The following FCHSD2 variants were observed in gnomAD, a reference collection of about 807,000 sequenced individuals.
FCHSD2 encodes the protein F-BAR and double SH3 domains protein 2.
A neutral mutation model predicts 108.1 loss-of-function variants in FCHSD2; 38 were observed. That is an observed-to-expected ratio of 0.35 (90% CI 0.27 to 0.46). The LOEUF (loss-of-function observed/expected upper bound fraction) is 0.46, where lower values mean the gene tolerates loss of function less well. Among genes scored for constraint, FCHSD2 ranks in the 20% least tolerant of loss-of-function variants. The pLI, the probability that FCHSD2 is intolerant of heterozygous loss-of-function variation, is 1.00. For synonymous variants in FCHSD2, 279 were observed against 314.7 expected, an observed-to-expected ratio of 0.89 and a Z score of 1.20; for missense variants, 751 against 897.8, an observed-to-expected ratio of 0.84 and a Z score of 2.09.
intron 2 of FCHSD2, among the ~76,000 whole-genome samples, chr11:73,100,235 G>A (rs573972316): frequency 1.3e-3 from 191 of 152,064 alleles, no homozygotes; most frequent in Admixed American, 4.2e-3. Context: ...TCCTCTTCGC[G>A]TCCCTTCCTC....
chr11:73,007,934 G>A (rs1857777255), intron 4 of FCHSD2, among the ~76,000 whole-genome samples: 1 of 152,118 alleles, frequency 6.6e-6, no homozygotes, highest in South Asian at 2.1e-4. Flanking sequence ...GACTATGTGT[G>A]GCTACAATTA....
rs188478537 is a variant in FCHSD2, at chr11:72,914,315, G to T, written c.828+7513C>A. On this transcript the variant is annotated intron_variant, in intron 9 of 19. Transcript: ENST00000409418. ...CAGGTGTGAGTCAGGTGCCCAGCCT[G>T]CCCTAAGCAATTTATAGATTCAATG... 1.3e-5 allele frequency among the ~76,000 whole-genome samples: 2 copies of T among 152,164 alleles called. 1 individual carries two copies. Among genetic ancestry groups the T allele is most frequent in the African/African-American group, 4.8e-5 (2 of 41,528 alleles).
chr11:72,843,374 GACAGGGC>G, intron 15 of FCHSD2, 46 bp from the exon 16 acceptor site: 8 of 1,610,624 alleles, frequency 5.0e-6, no homozygotes, highest in Non-Finnish European at 6.8e-6. Flanking sequence ...ACACAATTTA[GACAGGGC>G]ACAACAAAGA....
chr11:72,886,744 C>A (rs1855206747), intron 12 of FCHSD2, among the ~76,000 whole-genome samples: 1 of 152,162 alleles, frequency 6.6e-6, no homozygotes, highest in Non-Finnish European at 1.5e-5. Context: ...CTAATCATAT[C>A]CAGCTACCAA....
intron 2 of FCHSD2, among the ~76,000 whole-genome samples, chr11:73,134,689 G>T (rs911773344): frequency 6.6e-6 from 1 of 152,164 alleles, no homozygotes; most frequent in Admixed American, 6.5e-5. Flanking sequence ...GCCTTCTCTG[G>T]GATAAAGTTT....
At chr11:73,086,394 T>A (rs1859817823) in intron 2 of FCHSD2, among the ~76,000 whole-genome samples, 1 of 151,752 alleles carries the variant, frequency 6.6e-6, no homozygotes, top group African/African-American at 2.4e-5. Context: ...GGAAAGAGAG[T>A]GAGACTCCAT....
intron 13 of FCHSD2, among the ~76,000 whole-genome samples, chr11:72,866,136 G>C (rs894238568): frequency 6.6e-6 from 1 of 152,202 alleles, no homozygotes; most frequent in African/African-American, 2.4e-5. Flanking sequence ...CCCAAATCAA[G>C]TGGGCCTGGA....
At chr11:72,949,630 T>C (rs1390595489) in intron 8 of FCHSD2, among the ~76,000 whole-genome samples, 1 of 152,234 alleles carries the variant, frequency 6.6e-6, no homozygotes, top group Non-Finnish European at 1.5e-5. Flanking sequence ...ATACAATATA[T>C]ACGCTTTTGT....
At chr11:73,000,306 A>C (rs1857601610) in intron 5 of FCHSD2, among the ~76,000 whole-genome samples, 1 of 152,128 alleles carries the variant, frequency 6.6e-6, no homozygotes, top group South Asian at 2.1e-4. Context: ...TTCCACAAGA[A>C]AATTTTAATT....
chr11:72,981,044 A>G (rs1302732109), intron 8 of FCHSD2, among the ~76,000 whole-genome samples: 3 of 152,208 alleles, frequency 2.0e-5, no homozygotes, highest in Admixed American at 2.0e-4. Flanking sequence ...GCCACTGACA[A>G]TTCAATGGTG....
chr11:73,080,982 A>G (rs1446861186), intron 3 of FCHSD2, among the ~76,000 whole-genome samples: 1 of 152,044 alleles, frequency 6.6e-6, no homozygotes, highest in Non-Finnish European at 1.5e-5. Flanking sequence ...AAATAAAATA[A>G]AATAAAGAAA....
chr11:73,102,157 T>C (rs1860240705), intron 2 of FCHSD2, among the ~76,000 whole-genome samples: 1 of 152,148 alleles, frequency 6.6e-6, no homozygotes, highest in African/African-American at 2.4e-5. Flanking sequence ...ATCAGGGAAA[T>C]GCAAATTAAA....
intron 6 of FCHSD2, among the ~76,000 whole-genome samples, chr11:72,988,164 T>C (rs1201520440): frequency 6.6e-6 from 1 of 152,202 alleles, no homozygotes; most frequent in Admixed American, 6.5e-5. Context: ...TCTGATATTA[T>C]GATTAGGAGT....
intron 8 of FCHSD2, among the ~76,000 whole-genome samples, chr11:72,981,990 T>C (rs1225504181): frequency 6.6e-6 from 1 of 152,138 alleles, no homozygotes; most frequent in Non-Finnish European, 1.5e-5. Flanking sequence ...TCAAAAACTA[T>C]ATATACTAAA....
At chr11:72,842,489 GC>G (rs759337407) in intron 17 of FCHSD2, 131 bp downstream of exon 17, 20 of 1,045,654 alleles carry the variant, frequency 1.9e-5, no homozygotes, top group Non-Finnish European at 2.6e-5. Context: ...ATGCAGTTGT[GC>G]AGACACTGGC....
At chr11:72,900,366 C>T in intron 10 of FCHSD2, 1 of 1,421,516 alleles carries the variant, frequency 7.0e-7, no homozygotes, top group Non-Finnish European at 9.7e-7. Flanking sequence ...AAAAACATAG[C>T]ATAGAGTTAG....
chr11:72,968,772 T>C (rs1365849679), intron 8 of FCHSD2, among the ~76,000 whole-genome samples: 1 of 152,180 alleles, frequency 6.6e-6, no homozygotes, highest in African/African-American at 2.4e-5. Context: ...CTCTGACCAG[T>C]CATCCTCACT....
intron 2 of FCHSD2, among the ~76,000 whole-genome samples, chr11:73,085,363 T>A (rs866009686): frequency 3.3e-5 from 5 of 152,130 alleles, no homozygotes; most frequent in African/African-American, 1.2e-4. Context: ...GCAGAATGAA[T>A]CATGTAACCA....
chr11:72,843,148 T>C lies in FCHSD2; in HGVS notation c.1705+3A>G. The C allele has an allele frequency of 6.2e-7, 1 of 1,613,922 alleles. No individual in the cohort carries two copies. Among genetic ancestry groups the C allele is most frequent in the Non-Finnish European group, 8.5e-7 (1 of 1,179,798 alleles). ...ATAAAGAGTGCCTTGTTTCAGTCTT[T>C]ACCACTGGCATCTCCGTTGAGGCTG... On this transcript the variant is annotated splice_donor_region_variant and intron_variant, in intron 16 of 19. Transcript: ENST00000409418.
Sources: gnomAD v4.1 joint callset for allele counts (sites outside exome capture counted in the v4.1 genomes callset) on GRCh38, gnomAD v4.1.1 for gene constraint, MANE v1.5 for transcripts, NCBI Gene and HGNC (gene_info 2026-07-23, HGNC 2026-07-21) for gene names.